The following CCDC198 variants were observed in gnomAD, a reference collection of about 807,000 sequenced individuals.
CCDC198 encodes coiled-coil domain containing 198, also known as factor associated with metabolism and energy.
CCDC198 carries 18 observed loss-of-function variants against 35.6 expected under a neutral mutation model. The observed-to-expected ratio is 0.51, with a 90% confidence interval of 0.35 to 0.75. The LOEUF is 0.75. CCDC198 is among the 30% of genes least tolerant of loss of function. The pLI, the probability that CCDC198 is intolerant of heterozygous loss-of-function variation, is 0.01. For synonymous variants in CCDC198, 119 were observed against 113.4 expected (o/e 1.05, Z -0.31); for missense variants, 365 against 343.7 (o/e 1.06, Z -0.49).
At chr14:57,479,276 A>G (rs886595588) in intron 5 of CCDC198, among the ~76,000 whole-genome samples, 1 of 152,168 alleles carries the variant, frequency 6.6e-6, no homozygotes, top group African/African-American at 2.4e-5. Context: ...TTATTGAGAC[A>G]GAGGCCTTGT....
intron 1 of CCDC198, among the ~76,000 whole-genome samples, chr14:57,492,033 T>C (rs1429695226): frequency 1.3e-5 from 2 of 152,126 alleles, no homozygotes; most frequent in Non-Finnish European, 2.9e-5. Context: ...ATACTGGATT[T>C]AACAATGTAA....
chr14:57,485,516 A>T (rs1225090494), intron 2 of CCDC198, among the ~76,000 whole-genome samples: 4 of 152,196 alleles, frequency 2.6e-5, no homozygotes. Flanking sequence ...AAGGGGGTAG[A>T]TTTGGAAGTT....
rs767185923 is a variant in CCDC198, at chr14:57,483,024, C to G, written c.393+41G>C. The G allele has an allele frequency of 6.2e-6, 10 of 1,613,204 alleles. No homozygotes were observed. The Admixed American group carries it at 1.7e-4, about 27-fold the overall frequency. On this transcript the variant is annotated intron_variant, in intron 3 of 5. Transcript: ENST00000216445. ...CAGTGCCCCAATCCTGTGTCGCCCA[C>G]CCCCAGTTCACCTCCCTGTCAGGTT...
Position 57,471,166 on chromosome 14 carries a change from G to A in CCDC198, c.*189C>T. On this transcript the variant is annotated 3_prime_UTR_variant, in exon 6 of 6. Coordinates refer to ENST00000216445, the MANE Select transcript of CCDC198 (RefSeq NM_018168.4). The stretch of plus-strand genomic sequence containing the variant: ...TCTTGGTTAGCCCCTGTGTTTTGAG[G>A]CATTTAGTTATGCAGCAATAGTTAA... 1.9e-6 allele frequency: 1 copy of A among 520,940 alleles called. No individual in the cohort carries two copies. The highest frequency in any genetic ancestry group is 3.3e-5 in the East Asian group (1 of 30,128). The allele number at this position is 520,940 out of a possible 1,614,324, so 32.3% of individuals were successfully genotyped here.
At chr14:57,485,391 G>A (rs2067327376) in intron 2 of CCDC198, among the ~76,000 whole-genome samples, 2 of 152,256 alleles carry the variant, frequency 1.3e-5, no homozygotes, top group South Asian at 4.1e-4. Context: ...AAAACCATGA[G>A]GACATCATGC....
rs771954185 is a variant in CCDC198, at chr14:57,471,562, T to A, written c.684A>T (p.Lys228Asn). The A allele has an allele frequency of 1.9e-5, 30 of 1,597,920 alleles. No homozygotes were observed. In the East Asian group the frequency reaches 6.7e-4, roughly 36 times the overall value. The change falls in exon 6 of 6, where the codon AAA becomes AAT. Residue 228 changes from lysine to asparagine, a missense_variant. Transcript: ENST00000216445. ...PGNSKNTEFL[K>N]HQAVNNYCPW... ...GACAGTAGTTATTCACTGCTTGATGTTTCAAAAATTCTGTATTCTTTGAAT... is the reference window on the plus strand; with the variant it reads ...GACAGTAGTTATTCACTGCTTGATGATTCAAAAATTCTGTATTCTTTGAAT...
chr14:57,473,307 A>T (rs923894588), intron 5 of CCDC198, among the ~76,000 whole-genome samples: 2 of 152,180 alleles, frequency 1.3e-5, no homozygotes, highest in African/African-American at 4.8e-5. Context: ...GCTACAAAGG[A>T]CGTTTTTGTA....
chr14:57,474,853 A>C (rs1486393317), intron 5 of CCDC198, among the ~76,000 whole-genome samples: 1 of 152,238 alleles, frequency 6.6e-6, no homozygotes, highest in Non-Finnish European at 1.5e-5. Flanking sequence ...TGATTTAGGT[A>C]GTAGAAGAAT....
intron 2 of CCDC198, among the ~76,000 whole-genome samples, chr14:57,487,719 G>T (rs1373211328): frequency 6.6e-6 from 1 of 152,146 alleles, no homozygotes; most frequent in African/African-American, 2.4e-5. Context: ...AAATAATTTA[G>T]CATACAATTA....
chr14:57,472,631 G>A (rs2066856468), intron 5 of CCDC198, among the ~76,000 whole-genome samples: 1 of 152,136 alleles, frequency 6.6e-6, no homozygotes, highest in African/African-American at 2.4e-5. Context: ...CAGACCCATA[G>A]TACTGGGAAG....
At chr14:57,475,785 CTTCTTTTTTT>C in intron 5 of CCDC198, 2 of 165,718 alleles carry the variant, frequency 1.2e-5, no homozygotes, top group South Asian at 6.4e-5. Context: ...CGGCACTTAG[CTTCTTTTTTT>C]TTTTTTTTTT....
chr14:57,485,955 C>T (rs1260408138), intron 2 of CCDC198, among the ~76,000 whole-genome samples: 1 of 152,118 alleles, frequency 6.6e-6, no homozygotes, highest in African/African-American at 2.4e-5. Flanking sequence ...TTCCCTGAGT[C>T]TTAACTCTGC....
chr14:57,484,208 T>G (rs1039147083), intron 2 of CCDC198, among the ~76,000 whole-genome samples: 167 of 152,324 alleles, frequency 1.1e-3, no homozygotes, highest in African/African-American at 3.8e-3. Flanking sequence ...AATAGGGTCA[T>G]TGCAGATATA....
At chr14:57,473,999 C>G (rs746870452) in intron 5 of CCDC198, among the ~76,000 whole-genome samples, 1 of 152,186 alleles carries the variant, frequency 6.6e-6, no homozygotes, top group Non-Finnish European at 1.5e-5. Context: ...CCCTCCTCCC[C>G]ACTTCATCCA....
intron 4 of CCDC198, among the ~76,000 whole-genome samples, chr14:57,481,258 A>G (rs2067174987): frequency 6.6e-6 from 1 of 152,152 alleles, no homozygotes; most frequent in Non-Finnish European, 1.5e-5. Flanking sequence ...CTTTCACTAA[A>G]CCAAGAAAAA....
intron 5 of CCDC198, chr14:57,480,183 G>A (rs2067136016): frequency 1.5e-6 from 1 of 679,526 alleles, no homozygotes; most frequent in African/African-American, 2.0e-5. Flanking sequence ...ACAGAAAAGG[G>A]TGCAGTCAGG....
rs1318192180 is a variant in CCDC198, at chr14:57,470,259, A to G, written c.*1096T>C. 2 of 152,184 alleles carry G rather than the reference A, an allele frequency of 1.3e-5. No individual in the cohort carries two copies. Among genetic ancestry groups the G allele is most frequent in the East Asian group, 1.9e-4 (1 of 5,200 alleles). 9.4% of individuals were successfully genotyped at this position (152,184 alleles called of 1,614,324 possible). On this transcript the variant is annotated 3_prime_UTR_variant, in exon 6 of 6. Coordinates refer to ENST00000216445, the MANE Select transcript of CCDC198 (RefSeq NM_018168.4). ...CCTAAGTGAGCTTAGTGTTTAATGC[A>G]GCATTACTGTGAATTTCCTTTAGAA... is the stretch of plus-strand genomic sequence containing the variant.
At chr14:57,477,047 G>A (rs1438608260) in intron 5 of CCDC198, among the ~76,000 whole-genome samples, 1 of 152,248 alleles carries the variant, frequency 6.6e-6, no homozygotes, top group East Asian at 1.9e-4. Context: ...CCTTGCATAT[G>A]TGACTGGACC....
chr14:57,482,390 T>C (rs1471786710), intron 3 of CCDC198, among the ~76,000 whole-genome samples: 2 of 152,192 alleles, frequency 1.3e-5, no homozygotes, highest in Admixed American at 6.5e-5. Context: ...TCTCCACAGA[T>C]GCTGTCAGCA....
Sources: allele counts gnomAD v4.1 joint callset (sites outside exome capture counted in the v4.1 genomes callset), GRCh38; gene constraint gnomAD v4.1.1; transcripts MANE v1.5; gene names NCBI Gene and HGNC (gene_info 2026-07-23, HGNC 2026-07-21).